Variants in FAF1 observed in about 807,000 individuals in gnomAD.
FAF1 encodes Fas associated factor 1, also known as FAS-associated factor 1.
FAF1 carries 25 observed loss-of-function variants against 92.5 expected under a neutral mutation model. The observed-to-expected ratio is 0.27, with a 90% CI of 0.20 to 0.38. The LOEUF is 0.38. FAF1 is among the 10% of genes least tolerant of loss of function. The probability of loss-of-function intolerance (pLI) is 1.00; values close to 1 mark genes in which losing one functional copy is unlikely to be tolerated. For missense variants in FAF1, 636 were observed against 793.3 expected (o/e 0.80, Z 2.38); for synonymous variants, 234 against 273.2 (o/e 0.86, Z 1.42).
intron 7 of FAF1, among the ~76,000 whole-genome samples, chr1:50,667,261 A>G (rs183625117): frequency 2.0e-4 from 30 of 152,346 alleles, no homozygotes; most frequent in African/African-American, 7.0e-4. Flanking sequence ...ACTTTTGGCC[A>G]ATGCCTTCTG....
At chr1:50,551,948 C>A (rs1263851005) in intron 13 of FAF1, among the ~76,000 whole-genome samples, 2 of 152,134 alleles carry the variant, frequency 1.3e-5, no homozygotes, top group Non-Finnish European at 2.9e-5. Context: ...TCAATCATCC[C>A]ATTTAGTTCT....
At chr1:50,868,950 T>C (rs951214193) in intron 1 of FAF1, among the ~76,000 whole-genome samples, 1 of 152,314 alleles carries the variant, frequency 6.6e-6, no homozygotes, top group African/African-American at 2.4e-5. Context: ...ATTATCTGTA[T>C]CTTTACTGAT....
chr1:50,805,084 T>C (rs1017720311), intron 2 of FAF1, among the ~76,000 whole-genome samples: 3 of 152,240 alleles, frequency 2.0e-5, no homozygotes, highest in Non-Finnish European at 2.9e-5. Context: ...TCTCACTCTA[T>C]AATAGGAAAA....
At chr1:50,619,238 A>C (rs1653078471) in intron 8 of FAF1, among the ~76,000 whole-genome samples, 1 of 152,152 alleles carries the variant, frequency 6.6e-6, no homozygotes, top group Non-Finnish European at 1.5e-5. Context: ...ATTTATATTC[A>C]AAGTTAGTAC....
Position 50,524,967 on chromosome 1 carries a change from C to A in FAF1, c.1494+10402G>T, listed in dbSNP as rs1647716851. On this transcript the variant is annotated intron_variant, in intron 15 of 18. Transcript: ENST00000396153. ...GTGGTGAGATCTTGGCTCACTGTAACCTCTGCTTCTCAGGTTCAAGTGATT... is the reference window on the plus strand; with the variant it reads ...GTGGTGAGATCTTGGCTCACTGTAAACTCTGCTTCTCAGGTTCAAGTGATT... Among the ~76,000 whole-genome samples, 4 of 152,012 alleles carry A rather than the reference C, an allele frequency of 2.6e-5. No homozygotes were observed. In the South Asian group the frequency reaches 8.3e-4, roughly 32 times the overall value.
intron 1 of FAF1, among the ~76,000 whole-genome samples, chr1:50,929,723 G>T (rs749842324): frequency 2.8e-4 from 43 of 152,146 alleles, no homozygotes; most frequent in Non-Finnish European, 3.8e-4. Flanking sequence ...AATATAGTGG[G>T]AAAAAGATGT....
intron 1 of FAF1, among the ~76,000 whole-genome samples, chr1:50,925,396 A>G (rs1644996862): frequency 2.0e-5 from 3 of 152,132 alleles, no homozygotes; most frequent in Non-Finnish European, 1.5e-5. Context: ...ATAGGAAAAT[A>G]CTTACAAATC....
Position 50,489,549 on chromosome 1 carries a change from AT to A in FAF1, c.1653+1038del, listed in dbSNP as rs1167365981. 3.9e-5 allele frequency among the ~76,000 whole-genome samples: 6 copies of A among 152,352 alleles called. No individual in the cohort carries two copies. The South Asian group carries it at 1.2e-3, about 32-fold the overall frequency. Reference sequence around the variant, plus strand: ...TATAATAACGTTTACATACAGTATTATAATTCTATTTTTATAAGAGTAGGAA... The same window carrying A: ...TATAATAACGTTTACATACAGTATTAAATTCTATTTTTATAAGAGTAGGAA... On this transcript the variant is annotated intron_variant, in intron 17 of 18. Coordinates refer to ENST00000396153, the MANE Select transcript of FAF1 (RefSeq NM_007051.3).
chr1:50,947,680 T>G (rs1440093347), intron 1 of FAF1, among the ~76,000 whole-genome samples: 1 of 152,240 alleles, frequency 6.6e-6, no homozygotes, highest in Non-Finnish European at 1.5e-5. Context: ...AGGCCTATAT[T>G]TTATCACATC....
intron 7 of FAF1, among the ~76,000 whole-genome samples, chr1:50,697,942 G>T (rs182487493): frequency 2.6e-5 from 4 of 152,110 alleles, no homozygotes; most frequent in Non-Finnish European, 5.9e-5. Flanking sequence ...ATAACACTGA[G>T]TCATACACAA....
chr1:50,516,029 G>T (rs945215798), intron 15 of FAF1, among the ~76,000 whole-genome samples: 1 of 152,046 alleles, frequency 6.6e-6, no homozygotes, highest in African/African-American at 2.4e-5. Context: ...CACTTTACAT[G>T]TATCAACTGA....
At chr1:50,672,734 A>T (rs1655954053) in intron 7 of FAF1, among the ~76,000 whole-genome samples, 1 of 152,230 alleles carries the variant, frequency 6.6e-6, no homozygotes, top group South Asian at 2.1e-4. Flanking sequence ...TTCTTATTTC[A>T]TTATAGTCCT....
At chr1:50,793,069 A>C (rs1661620107) in intron 3 of FAF1, among the ~76,000 whole-genome samples, 1 of 152,142 alleles carries the variant, frequency 6.6e-6, no homozygotes. Flanking sequence ...AGGTCAGTCT[A>C]CTAAAATACT....
intron 2 of FAF1, among the ~76,000 whole-genome samples, chr1:50,842,499 T>C (rs990697367): frequency 1.3e-5 from 2 of 152,098 alleles, no homozygotes; most frequent in Non-Finnish European, 2.9e-5. Context: ...ACTAAAATAT[T>C]CTTGCCACAC....
intron 7 of FAF1, among the ~76,000 whole-genome samples, chr1:50,701,965 CTTG>C (rs1211742468): frequency 6.6e-6 from 1 of 152,066 alleles, no homozygotes; most frequent in Non-Finnish European, 1.5e-5. Flanking sequence ...CATCATGCTT[CTTG>C]TTGTAACAGA....
At chr1:50,764,726 A>C (rs562303788) in intron 4 of FAF1, among the ~76,000 whole-genome samples, 1 of 152,214 alleles carries the variant, frequency 6.6e-6, no homozygotes, top group South Asian at 2.1e-4. Flanking sequence ...GAGAGGTACT[A>C]TATCAGTTAT....
chr1:50,621,360 C>T (rs1006492539), intron 8 of FAF1, among the ~76,000 whole-genome samples: 5 of 145,888 alleles, frequency 3.4e-5, no homozygotes, highest in South Asian at 2.2e-4. Context: ...CCCAGTCTTA[C>T]GGGGAAGTTA....
intron 13 of FAF1, among the ~76,000 whole-genome samples, chr1:50,566,091 TA>T (rs1650163646): frequency 6.6e-6 from 1 of 152,112 alleles, no homozygotes; most frequent in Non-Finnish European, 1.5e-5. Flanking sequence ...TGAAATTTCC[TA>T]ACCATTTGCT....
intron 4 of FAF1, among the ~76,000 whole-genome samples, chr1:50,776,223 T>TA (rs1454646753): frequency 6.6e-6 from 1 of 152,194 alleles, no homozygotes; most frequent in African/African-American, 2.4e-5. Context: ...TCAAGTATGA[T>TA]AGAGTAGGAA....
Sources: gnomAD v4.1 joint callset for allele counts (sites outside exome capture counted in the v4.1 genomes callset) on GRCh38, gnomAD v4.1.1 for gene constraint, MANE v1.5 for transcripts, NCBI Gene and HGNC (gene_info 2026-07-23, HGNC 2026-07-21) for gene names.